Variants in MORC3 observed in about 807,000 individuals in gnomAD.
MORC3 encodes MORC family CW-type zinc finger protein 3.
In MORC3, 31 loss-of-function variants were observed where a neutral mutation model predicts 109.1. That is an observed-to-expected ratio of 0.28 (90% confidence interval 0.21 to 0.38). The LOEUF (loss-of-function observed/expected upper bound fraction) is 0.38, where lower values mean the gene tolerates loss of function less well. MORC3 is among the 10% of genes least tolerant of loss of function. The pLI is 1.00. For synonymous variants in MORC3, 395 were observed against 380.7 expected, an observed-to-expected ratio of 1.04 and a Z score of -0.44; for missense variants, 867 against 1,135.8, an observed-to-expected ratio of 0.76 and a Z score of 3.40.
chr21:36,374,389 C>T (rs768957036), intron 16 of MORC3, among the ~76,000 whole-genome samples: 3 of 151,832 alleles, frequency 2.0e-5, no homozygotes, highest in Non-Finnish European at 4.4e-5. Flanking sequence ...CTGTGCCCGG[C>T]GTAAAAAAAA....
intron 15 of MORC3, among the ~76,000 whole-genome samples, chr21:36,370,172 C>T (rs537424772): frequency 4.9e-4 from 75 of 152,288 alleles, no homozygotes; most frequent in African/African-American, 1.7e-3. Context: ...TGCACCACCA[C>T]ATTCCAGCCT....
intron 2 of MORC3, among the ~76,000 whole-genome samples, chr21:36,336,346 G>A (rs767861864): frequency 1.3e-5 from 2 of 151,872 alleles, no homozygotes; most frequent in African/African-American, 2.4e-5. Context: ...AGGCTCGAGC[G>A]ATTCTCCTGT....
chr21:36,334,667 A>G (rs533392769), intron 2 of MORC3, among the ~76,000 whole-genome samples: 5 of 152,330 alleles, frequency 3.3e-5, no homozygotes, highest in East Asian at 1.9e-4. Context: ...TCTGGTATCA[A>G]TAGGAGGATT....
At chr21:36,335,246 A>G (rs1282181433) in intron 2 of MORC3, among the ~76,000 whole-genome samples, 1 of 152,116 alleles carries the variant, frequency 6.6e-6, no homozygotes, top group Non-Finnish European at 1.5e-5. Context: ...ATTCTTAGAT[A>G]TATTTTAGAA....
chr21:36,340,097 C>G (rs1413792726), intron 5 of MORC3, among the ~76,000 whole-genome samples: 1 of 151,918 alleles, frequency 6.6e-6, no homozygotes, highest in Non-Finnish European at 1.5e-5. Context: ...GCTAACACGG[C>G]GAAACCCTGT....
chr21:36,356,054 C>G (rs200040046), intron 9 of MORC3, among the ~76,000 whole-genome samples: 1 of 152,006 alleles, frequency 6.6e-6, no homozygotes, highest in South Asian at 2.1e-4. Flanking sequence ...TCATAAGGCA[C>G]TTGAAGCAAA....
At chr21:36,322,280 C>T (rs968249297) in intron 1 of MORC3, among the ~76,000 whole-genome samples, 6 of 145,324 alleles carry the variant, frequency 4.1e-5, no homozygotes, top group African/African-American at 1.5e-4. Context: ...CAAATGCATG[C>T]GTTAAGAGAT....
intron 1 of MORC3, among the ~76,000 whole-genome samples, chr21:36,326,886 G>T (rs1227397914): frequency 6.6e-6 from 1 of 151,680 alleles, no homozygotes; most frequent in Non-Finnish European, 1.5e-5. Context: ...TGCGATCTCG[G>T]CTCACTGCAA....
chr21:36,338,691 G>A, intron 4 of MORC3, 83 bp from the exon 5 acceptor site: 1 of 1,284,026 alleles, frequency 7.8e-7, no homozygotes. Context: ...TAGTTTTTCT[G>A]TTATTTAAGT....
At position 36,337,822 on chromosome 21, in the gene MORC3, T is replaced by TA. The variant is rs1326354026; in HGVS notation, c.339dup (p.Asp114ArgfsTer45). The TA allele has an allele frequency of 6.2e-7, 1 of 1,614,138 alleles. No individual in the cohort carries two copies. Among genetic ancestry groups the TA allele is most frequent in the Non-Finnish European group, 8.5e-7 (1 of 1,179,974 alleles). On this transcript the variant is annotated frameshift_variant, in exon 4 of 17. Coordinates refer to ENST00000400485, the MANE Select transcript of MORC3 (RefSeq NM_015358.3). LOFTEE classifies it high-confidence loss of function. ...TCAAGTCGGGTTCTATGCGTCTGGG[T>TA]AAAGACGCAATCGTTTTTACCAAAA...
chr21:36,342,008 A>G (rs1569095517), intron 6 of MORC3, among the ~76,000 whole-genome samples: 1 of 152,200 alleles, frequency 6.6e-6, no homozygotes, highest in East Asian at 1.9e-4. Context: ...TGGGTGGATC[A>G]CAAGGTCAGG....
Position 36,338,808 on chromosome 21 carries a change from C to G in MORC3, c.495C>G (p.Ser165Arg). The change falls in exon 5 of 17, where the codon AGC becomes AGG. Residue 165 changes from serine to arginine, a missense_variant. By Grantham distance (110) the Ser-to-Arg change is moderately radical. Around this residue, in one of 7 missense-constraint regions of MORC3, gnomAD observed 134 missense variants for 166.6 expected, o/e 0.80. Coordinates refer to ENST00000400485, the MANE Select transcript of MORC3 (RefSeq NM_015358.3). ...TTAATTTAGCAGAATCAAAAGCCAG[C>G]CTTGCTGCAATTCTGGAACATTCTC... Reference protein sequence around the residue: ...QMINLAESKASLAAILEHSLF... With the variant: ...QMINLAESKARLAAILEHSLF... The G allele has an allele frequency of 6.2e-7, 1 of 1,613,632 alleles. No homozygotes were observed. Among genetic ancestry groups the G allele is most frequent in the Non-Finnish European group, 8.5e-7 (1 of 1,179,674 alleles).
Position 36,329,073 on chromosome 21 carries a change from G to T in MORC3, c.40-4573G>T, listed in dbSNP as rs184652175. Among the ~76,000 whole-genome samples, 48 of 152,130 alleles carry T rather than the reference G, an allele frequency of 3.2e-4. No individual in the cohort carries two copies. In the East Asian group the frequency reaches 7.2e-3, roughly 23 times the overall value. On this transcript the variant is annotated intron_variant, in intron 1 of 16. Coordinates refer to ENST00000400485, the MANE Select transcript of MORC3 (RefSeq NM_015358.3). ...TTTGGGAGGCCGAGGTGGGCGGATC[G>T]CCTGAGGTCGGCAGTTCGAGACCAG...
At chr21:36,344,274 A>T (rs2085484067) in intron 6 of MORC3, among the ~76,000 whole-genome samples, 1 of 152,168 alleles carries the variant, frequency 6.6e-6, no homozygotes, top group Admixed American at 6.6e-5. Context: ...TACATTTTTT[A>T]AAATTAAAAT....
At chr21:36,361,967 G>A (rs1384912003) in intron 12 of MORC3, 2 of 600,442 alleles carry the variant, frequency 3.3e-6, no homozygotes, top group Non-Finnish European at 3.0e-6. Context: ...AAACACCAAA[G>A]ATCTGCAGTT....
intron 15 of MORC3, among the ~76,000 whole-genome samples, chr21:36,371,895 C>T (rs1282889609): frequency 6.6e-6 from 1 of 151,334 alleles, no homozygotes; most frequent in Non-Finnish European, 1.5e-5. Flanking sequence ...CTCACCGCAA[C>T]CTCCACCTCC....
intron 9 of MORC3, among the ~76,000 whole-genome samples, chr21:36,355,976 G>A (rs2085640618): frequency 6.6e-6 from 1 of 152,084 alleles, no homozygotes; most frequent in East Asian, 1.9e-4. Context: ...AAGGTTTACA[G>A]TATTGCACTA....
intron 9 of MORC3, among the ~76,000 whole-genome samples, chr21:36,353,374 AAAAAAATCATGGCCGGG>A (rs2085597984): frequency 6.7e-6 from 1 of 149,868 alleles, no homozygotes; most frequent in African/African-American, 2.5e-5. Flanking sequence ...AAAAAAAAAA[AAAAAAATCATGGCCGGG>A]TGCCGTGGCT....
intron 8 of MORC3, 32 bp from the exon 9 acceptor site, chr21:36,349,279 C>T: frequency 1.4e-6 from 2 of 1,458,296 alleles, no homozygotes; most frequent in Non-Finnish European, 1.9e-6. Context: ...ATGTCTTATG[C>T]TTAAAATGCT....
Sources: allele counts gnomAD v4.1 joint callset (sites outside exome capture counted in the v4.1 genomes callset), GRCh38; gene constraint gnomAD v4.1.1; regional missense constraint gnomAD v4.1.1; transcripts MANE v1.5; gene names NCBI Gene and HGNC (gene_info 2026-07-23, HGNC 2026-07-21).